TMEM108: variants seen among roughly 807,000 people sequenced by gnomAD.
TMEM108 encodes the protein transmembrane protein 108.
TMEM108 carries 12 observed loss-of-function variants against 35.1 expected under a neutral mutation model. The observed-to-expected ratio is 0.34, with a 90% CI of 0.22 to 0.55. The LOEUF is 0.55. Among genes scored for constraint, TMEM108 ranks in the 20% least tolerant of loss-of-function variants. The pLI is 0.89. For synonymous variants in TMEM108, 287 were observed against 308.6 expected, an observed-to-expected ratio of 0.93 and a Z score of 0.73; for missense variants, 680 against 753.3, an observed-to-expected ratio of 0.90 and a Z score of 1.14.
At chr3:133,221,896 T>A (rs1469069324) in intron 2 of TMEM108, among the ~76,000 whole-genome samples, 2 of 152,148 alleles carry the variant, frequency 1.3e-5, no homozygotes, top group African/African-American at 4.8e-5. Flanking sequence ...TTACCATAGC[T>A]CTTATTATTT....
intron 3 of TMEM108, among the ~76,000 whole-genome samples, chr3:133,233,401 G>T (rs1214344305): frequency 6.6e-6 from 1 of 152,092 alleles, no homozygotes; most frequent in Admixed American, 6.6e-5. Context: ...AGTATTCCAT[G>T]GTGTATATGT....
chr3:133,194,181 C>T (rs1363550219), intron 2 of TMEM108, among the ~76,000 whole-genome samples: 3 of 152,016 alleles, frequency 2.0e-5, no homozygotes, highest in Admixed American at 1.3e-4. Flanking sequence ...GTGATCCGCC[C>T]GCCTCAGCCT....
intron 2 of TMEM108, among the ~76,000 whole-genome samples, chr3:133,157,109 TC>T (rs558214995): frequency 5.1e-4 from 77 of 152,314 alleles, no homozygotes; most frequent in African/African-American, 1.8e-3. Context: ...TACCTGGATA[TC>T]CAGGTTTTAG....
At position 133,380,293 on chromosome 3, in the gene TMEM108, A is replaced by G. The variant is rs1457568515; in HGVS notation, c.582A>G (p.Lys194=). The change falls in exon 4 of 6, where the codon AAA becomes AAG. Residue 194 remains lysine, a synonymous_variant. Coordinates refer to ENST00000321871, the MANE Select transcript of TMEM108 (RefSeq NM_023943.4). This position sits in a 1 kb window ranked among gnomAD's most constrained non-coding sequence, Gnocchi z 5.3. ...PPAPGGHSRS[K]EGQRGRNPSS... The stretch of plus-strand genomic sequence containing the variant: ...CACCTGGTGGCCACTCCAGGAGTAA[A>G]GAAGGACAGCGAGGACGAAATCCAA... 6.2e-7 allele frequency: 1 copy of G among 1,614,124 alleles called. No homozygotes were observed.
At chr3:133,385,937 C>G (rs573165923) in intron 4 of TMEM108, among the ~76,000 whole-genome samples, 8 of 152,276 alleles carry the variant, frequency 5.3e-5, no homozygotes, top group African/African-American at 1.7e-4. Context: ...GTAAAATGTT[C>G]AGGAAGGAAC....
chr3:133,269,618 T>TC (rs779617000), intron 3 of TMEM108, among the ~76,000 whole-genome samples: 1 of 152,234 alleles, frequency 6.6e-6, no homozygotes, highest in African/African-American at 2.4e-5. Context: ...CCTCCTGTGT[T>TC]CCAACCCCTG....
At chr3:133,241,913 C>T (rs1455435088) in intron 3 of TMEM108, among the ~76,000 whole-genome samples, 1 of 152,118 alleles carries the variant, frequency 6.6e-6, no homozygotes, top group East Asian at 1.9e-4. Context: ...CACCCCCGGC[C>T]TCCTGTGGCT....
intron 2 of TMEM108, among the ~76,000 whole-genome samples, chr3:133,203,134 G>A (rs775634381): frequency 1.6e-4 from 24 of 152,164 alleles, no homozygotes; most frequent in East Asian, 3.9e-4. Flanking sequence ...ATTTTTGCAC[G>A]TTGATTTTGT....
chr3:133,269,808 A>T lies in TMEM108; in HGVS notation c.40+40457A>T, dbSNP rs117722218. ...AAGAGCTCAAAGCTGCTTGTCACCT[A>T]TAAACACCTCCTCCTCTGGGGTTCC... is the stretch of plus-strand genomic sequence containing the variant. On this transcript the variant is annotated intron_variant, in intron 3 of 5. Coordinates refer to ENST00000321871, the MANE Select transcript of TMEM108 (RefSeq NM_023943.4). Among the ~76,000 whole-genome samples the T allele has an allele frequency of 1.2e-4, 18 of 152,316 alleles. No individual in the cohort carries two copies. In the East Asian group the frequency reaches 3.3e-3, roughly 28 times the overall value.
At chr3:133,071,531 C>T (rs924923377) in intron 2 of TMEM108, among the ~76,000 whole-genome samples, 4 of 152,162 alleles carry the variant, frequency 2.6e-5, no homozygotes, top group Admixed American at 2.0e-4. Flanking sequence ...GCAGGAGGAT[C>T]ATAGTTTAGC....
At chr3:133,135,446 A>C (rs893541766) in intron 2 of TMEM108, among the ~76,000 whole-genome samples, 1 of 152,218 alleles carries the variant, frequency 6.6e-6, no homozygotes, top group Non-Finnish European at 1.5e-5. Context: ...TTCATGGAAC[A>C]TTCATCAGCT....
intron 2 of TMEM108, among the ~76,000 whole-genome samples, chr3:133,177,399 T>G (rs969423141): frequency 1.3e-5 from 2 of 152,142 alleles, no homozygotes; most frequent in East Asian, 3.8e-4. Flanking sequence ...TGATGAACAT[T>G]GATGCAAAAA....
rs551683987 is a variant in TMEM108, at chr3:133,287,019, G to T, written c.40+57668G>T. Among the ~76,000 whole-genome samples the T allele has an allele frequency of 6.6e-5, 10 of 152,244 alleles. No individual in the cohort carries two copies. The East Asian group carries it at 1.9e-3, about 29-fold the overall frequency. On this transcript the variant is annotated intron_variant, in intron 3 of 5. Transcript: ENST00000321871. ...ATTCTCTATTTTTCCGCTTCCAACAGTTGAATCCCGTGCTCTTCTTTGCTG... is the reference window on the plus strand; with the variant it reads ...ATTCTCTATTTTTCCGCTTCCAACATTTGAATCCCGTGCTCTTCTTTGCTG...
intron 2 of TMEM108, among the ~76,000 whole-genome samples, chr3:133,163,643 C>T (rs915866034): frequency 2.0e-5 from 3 of 152,070 alleles, no homozygotes; most frequent in Non-Finnish European, 4.4e-5. Flanking sequence ...CCTTTCTCTA[C>T]CAGAAAATCA....
At chr3:133,176,078 T>C (rs746482895) in intron 2 of TMEM108, among the ~76,000 whole-genome samples, 2 of 152,088 alleles carry the variant, frequency 1.3e-5, no homozygotes, top group East Asian at 3.9e-4. Flanking sequence ...ACAAAGAAGG[T>C]TGTTACATAA....
intron 3 of TMEM108, among the ~76,000 whole-genome samples, chr3:133,241,997 T>C (rs1946321020): frequency 6.6e-6 from 1 of 151,994 alleles, no homozygotes; most frequent in African/African-American, 2.4e-5. Flanking sequence ...AGGCCAAAAG[T>C]CCAAAATCAG....
At chr3:133,270,803 A>ACACACACACACACACTCACACACT (rs1203508901) in intron 3 of TMEM108, among the ~76,000 whole-genome samples, 95 of 151,050 alleles carry the variant, frequency 6.3e-4, no homozygotes, top group African/African-American at 2.2e-3. Flanking sequence ...GTACACACAC[A>ACACACACACACACACTCACACACT]CACACACACA....
chr3:133,141,590 A>T (rs572850606), intron 2 of TMEM108, among the ~76,000 whole-genome samples: 1 of 152,344 alleles, frequency 6.6e-6, no homozygotes, highest in East Asian at 1.9e-4. Context: ...CTTTCAGAGC[A>T]TGTAACTGGA....
chr3:133,287,625 T>C (rs1344548221), intron 3 of TMEM108, among the ~76,000 whole-genome samples: 1 of 152,190 alleles, frequency 6.6e-6, no homozygotes, highest in African/African-American at 2.4e-5. Context: ...AAATGAACAC[T>C]GAGAGAAGAT....
Sources: gnomAD v4.1 joint callset for allele counts (sites outside exome capture counted in the v4.1 genomes callset) on GRCh38, gnomAD v4.1.1 for gene constraint, Gnocchi (gnomAD v3.1) non-coding constraint, MANE v1.5 for transcripts, NCBI Gene and HGNC (gene_info 2026-07-23, HGNC 2026-07-21) for gene names.